The following ATP8A1 variants were observed in gnomAD, a reference collection of about 807,000 sequenced individuals.
ATP8A1 encodes ATPase phospholipid transporting 8A1.
In ATP8A1, 90 loss-of-function variants were observed where a neutral mutation model predicts 177.7. The ratio of observed to expected loss-of-function variants is 0.51; its 90% CI spans 0.43 to 0.60. The LOEUF (loss-of-function observed/expected upper bound fraction) is 0.60. Among genes scored for constraint, ATP8A1 ranks in the 20% least tolerant of loss-of-function variants. ATP8A1 has a pLI of 0.00. For synonymous variants in ATP8A1, 493 were observed against 485.9 expected (o/e 1.01, Z -0.19); for missense variants, 1,072 against 1,392.8 (o/e 0.77, Z 3.67).
chr4:42,477,779 C>G (rs1233615765), intron 25 of ATP8A1, among the ~76,000 whole-genome samples: 4 of 148,948 alleles, frequency 2.7e-5, no homozygotes, highest in Admixed American at 6.7e-5. Context: ...TGAGAACAGC[C>G]TGGGCAACAA....
intron 14 of ATP8A1, among the ~76,000 whole-genome samples, chr4:42,570,191 T>C (rs1731764820): frequency 1.3e-5 from 2 of 152,174 alleles, no homozygotes; most frequent in African/African-American, 4.8e-5. Flanking sequence ...AAAACATTAA[T>C]TTGCTTCCAG....
intron 1 of ATP8A1, among the ~76,000 whole-genome samples, chr4:42,649,080 T>G (rs939901031): frequency 1.3e-5 from 2 of 152,132 alleles, no homozygotes; most frequent in African/African-American, 4.8e-5. Flanking sequence ...ATCAGAAAGG[T>G]GTACAAAAAG....
At chr4:42,547,398 C>T (rs901387336) in intron 19 of ATP8A1, among the ~76,000 whole-genome samples, 5 of 152,180 alleles carry the variant, frequency 3.3e-5, no homozygotes, top group African/African-American at 9.7e-5. Flanking sequence ...GACTATTTAA[C>T]AGCATCATAT....
chr4:42,522,792 A>C (rs1460292446), intron 21 of ATP8A1, among the ~76,000 whole-genome samples: 1 of 152,138 alleles, frequency 6.6e-6, no homozygotes, highest in Non-Finnish European at 1.5e-5. Context: ...TCAGCTCTGA[A>C]AATCAGCTCT....
chr4:42,629,212 C>T (rs1414669934), intron 1 of ATP8A1, among the ~76,000 whole-genome samples: 2 of 152,080 alleles, frequency 1.3e-5, no homozygotes, highest in Non-Finnish European at 2.9e-5. Context: ...TTAGTAGGGG[C>T]CCAACCTAGG....
intron 29 of ATP8A1, among the ~76,000 whole-genome samples, chr4:42,455,003 C>G (rs1485933361): frequency 6.6e-6 from 1 of 152,074 alleles, no homozygotes; most frequent in African/African-American, 2.4e-5. Flanking sequence ...GCCAGAGAAC[C>G]AAAAGGACAA....
At chr4:42,560,358 G>T (rs1004484688) in intron 15 of ATP8A1, among the ~76,000 whole-genome samples, 1 of 151,938 alleles carries the variant, frequency 6.6e-6, no homozygotes, top group Non-Finnish European at 1.5e-5. Context: ...TTTGTAATAT[G>T]TTAATGCATT....
At chr4:42,597,869 T>G (rs1037390313) in intron 6 of ATP8A1, among the ~76,000 whole-genome samples, 1 of 152,156 alleles carries the variant, frequency 6.6e-6, no homozygotes, top group Non-Finnish European at 1.5e-5. Context: ...ATTGAATAGG[T>G]AGCAAATGAA....
At chr4:42,503,283 T>G (rs1724032825) in intron 24 of ATP8A1, among the ~76,000 whole-genome samples, 167 bp downstream of exon 24, 1 of 152,224 alleles carries the variant, frequency 6.6e-6, no homozygotes, top group Non-Finnish European at 1.5e-5. Context: ...TGAATCAATT[T>G]ACATCAATGT....
At chr4:42,472,149 C>A in intron 25 of ATP8A1, 1 of 635,318 alleles carries the variant, frequency 1.6e-6, no homozygotes, top group Non-Finnish European at 3.0e-6. Flanking sequence ...AAAAAATAAG[C>A]AAAAACATCC....
rs5857852 is a variant in ATP8A1, at chr4:42,571,463, ATTTT to A, written c.1296-2262_1296-2259del. ...ATCCAACTTATTCTAAAAGGTCTAAATTTTTTTTTTTTTTTTTTACAAAGATGGC... is the reference window on the plus strand; with the variant it reads ...ATCCAACTTATTCTAAAAGGTCTAAATTTTTTTTTTTTTTACAAAGATGGC... On this transcript the variant is annotated intron_variant, in intron 14 of 36. Transcript: ENST00000381668. Among the ~76,000 whole-genome samples the A allele has an allele frequency of 1.7e-4, 24 of 142,704 alleles. No individual in the cohort carries two copies. In the Admixed American group the frequency reaches 1.7e-3, roughly 10 times the overall value. 93.6% of individuals were successfully genotyped at this position (142,704 alleles called of 152,430 possible).
chr4:42,500,632 G>A (rs1723768206), intron 24 of ATP8A1, among the ~76,000 whole-genome samples: 2 of 151,770 alleles, frequency 1.3e-5, no homozygotes, highest in South Asian at 4.1e-4. Context: ...TTTTACAAGA[G>A]CCTGGTGGGT....
At chr4:42,608,877 A>G (rs1443605084) in intron 5 of ATP8A1, among the ~76,000 whole-genome samples, 1 of 152,192 alleles carries the variant, frequency 6.6e-6, no homozygotes, top group African/African-American at 2.4e-5. Context: ...ACATTAAAAT[A>G]TTATTTTATT....
At chr4:42,602,932 T>C (rs1735441938) in intron 5 of ATP8A1, among the ~76,000 whole-genome samples, 1 of 151,724 alleles carries the variant, frequency 6.6e-6, no homozygotes, top group African/African-American at 2.4e-5. Flanking sequence ...ACTGACAGAG[T>C]GAGTGGGCTA....
chr4:42,570,437 T>C (rs890501434), intron 14 of ATP8A1, among the ~76,000 whole-genome samples: 2 of 152,246 alleles, frequency 1.3e-5, no homozygotes, highest in Non-Finnish European at 2.9e-5. Context: ...CCCTAGCCCA[T>C]GGACTGTGCC....
intron 33 of ATP8A1, among the ~76,000 whole-genome samples, chr4:42,438,169 G>T (rs1371530946): frequency 6.6e-6 from 1 of 152,186 alleles, no homozygotes; most frequent in Non-Finnish European, 1.5e-5. Flanking sequence ...GGTGCATCAG[G>T]GGACAGAATC....
chr4:42,614,461 C>T (rs183553597), intron 5 of ATP8A1, among the ~76,000 whole-genome samples: 4 of 152,262 alleles, frequency 2.6e-5, no homozygotes, highest in Middle Eastern at 3.4e-3. Context: ...AGGCTTGAAA[C>T]GTCTGGATTT....
At chr4:42,586,281 T>A (rs551336653) in intron 9 of ATP8A1, 68 bp downstream of exon 9, 28 of 1,555,454 alleles carry the variant, frequency 1.8e-5, no homozygotes, top group Non-Finnish European at 2.4e-5. Flanking sequence ...GTATCCAGAC[T>A]TAGAAGACAC....
At chr4:42,540,882 G>A (rs984292742) in intron 20 of ATP8A1, among the ~76,000 whole-genome samples, 6 of 152,112 alleles carry the variant, frequency 3.9e-5, no homozygotes, top group Admixed American at 2.0e-4. Context: ...TTGATAGCCC[G>A]AGTAGGGTGA....
Sources: gnomAD v4.1 joint callset for allele counts (sites outside exome capture counted in the v4.1 genomes callset) on GRCh38, gnomAD v4.1.1 for gene constraint, MANE v1.5 for transcripts, NCBI Gene and HGNC (gene_info 2026-07-23, HGNC 2026-07-21) for gene names.